The following ZNF143 variants were observed in gnomAD, a reference collection of about 807,000 sequenced individuals.
ZNF143 encodes SPH-binding factor.
Under a neutral mutation model 74.1 loss-of-function variants are expected in ZNF143, and 49 were observed. That is an observed-to-expected ratio of 0.66 (90% CI 0.53 to 0.84). The LOEUF (loss-of-function observed/expected upper bound fraction) is 0.84, where lower values mean the gene tolerates loss of function less well. ZNF143 is among the 40% of genes least tolerant of loss of function. The pLI is 0.00. For synonymous variants in ZNF143, 304 were observed against 282.8 expected (o/e 1.07, Z -0.75); for missense variants, 637 against 793.4 (o/e 0.80, Z 2.37).
intron 13 of ZNF143, among the ~76,000 whole-genome samples, chr11:9,515,673 AAGAAAAAG>A (rs1848699182): frequency 6.8e-6 from 1 of 147,872 alleles, no homozygotes; most frequent in African/African-American, 2.5e-5. Context: ...AAAAAAGAAA[AAGAAAAAG>A]AAAAGAAATA....
intron 7 of ZNF143, among the ~76,000 whole-genome samples, chr11:9,484,890 C>T (rs1053278700): frequency 5.0e-5 from 7 of 141,302 alleles, no homozygotes; most frequent in South Asian, 2.3e-4. Flanking sequence ...CTCCACCTCC[C>T]GGGTTCACGC....
At chr11:9,482,560 G>A (rs987739283) in intron 7 of ZNF143, among the ~76,000 whole-genome samples, 3 of 151,412 alleles carry the variant, frequency 2.0e-5, no homozygotes, top group Non-Finnish European at 4.4e-5. Context: ...GTGAGCCAGC[G>A]CACCCGGCCA....
At chr11:9,506,414 A>T (rs937232030) in intron 11 of ZNF143, among the ~76,000 whole-genome samples, 4 of 152,258 alleles carry the variant, frequency 2.6e-5, no homozygotes, top group Non-Finnish European at 5.9e-5. Context: ...GCAAATTAGC[A>T]TTCAATAAGA....
At chr11:9,461,209 G>T (rs1855805414) in intron 1 of ZNF143, 133 bp downstream of exon 1, 16 of 459,404 alleles carry the variant, frequency 3.5e-5, no homozygotes, top group Non-Finnish European at 4.3e-5. Context: ...AGGCCTTGCC[G>T]ATTTTATGGG....
At chr11:9,494,821 C>T in intron 8 of ZNF143, 56 bp downstream of exon 8, 1 of 1,522,070 alleles carries the variant, frequency 6.6e-7, no homozygotes, top group South Asian at 1.2e-5. Flanking sequence ...ATATTAAATA[C>T]TAAGATCATA....
In ZNF143 at chr11:9,485,721, G is replaced by A. The variant is rs538591519; in HGVS notation, c.645+6175G>A. On this transcript the variant is annotated intron_variant, in intron 7 of 15. Coordinates refer to ENST00000396602, the MANE Select transcript of ZNF143 (RefSeq NM_003442.6). ...AATTCCTCTGGTGCCACACTTCTAGGATTGTTTCCTTTCTTCAAAGAGAAT... is the reference window on the plus strand; with the variant it reads ...AATTCCTCTGGTGCCACACTTCTAGAATTGTTTCCTTTCTTCAAAGAGAAT... Among the ~76,000 whole-genome samples the A allele has an allele frequency of 5.3e-5, 8 of 151,410 alleles. No individual in the cohort carries two copies. The East Asian group carries it at 1.5e-3, about 29-fold the overall frequency.
rs763719659 is a variant in ZNF143, at chr11:9,478,520, T to A, written c.504T>A (p.Gly168=). The change falls in exon 6 of 16, where the codon GGT becomes GGA. Residue 168 remains glycine, a synonymous_variant. Coordinates refer to ENST00000396602, the MANE Select transcript of ZNF143 (RefSeq NM_003442.6). ...LAIQADGTVA[G]LHTGDATIDP... is the part of the protein sequence containing the mutation. The stretch of plus-strand genomic sequence containing the variant: ...TTCAGGCTGATGGGACAGTGGCAGG[T>A]CTGCACACTGGGGATGCTACAATTG... 6.2e-5 allele frequency: 99 copies of A among 1,605,896 alleles called. No individual in the cohort carries two copies. The East Asian group carries it at 2.2e-3, about 36-fold the overall frequency.
In ZNF143 at chr11:9,478,514, G is replaced by A. The variant is rs1299190608; in HGVS notation, c.498G>A (p.Val166=). 1.2e-6 allele frequency: 2 copies of A among 1,614,058 alleles called. No homozygotes were observed. Among genetic ancestry groups the A allele is most frequent in the Admixed American group, 1.7e-5 (1 of 60,004 alleles). The change falls in exon 6 of 16, where the codon GTG becomes GTA. Residue 166 remains valine (V), a synonymous_variant. Transcript: ENST00000396602. ...TGGCAATTCAGGCTGATGGGACAGTGGCAGGTCTGCACACTGGGGATGCTA... is the reference window on the plus strand; with the variant it reads ...TGGCAATTCAGGCTGATGGGACAGTAGCAGGTCTGCACACTGGGGATGCTA... The part of the protein sequence containing the change: ...TILAIQADGT[V]AGLHTGDATI...
chr11:9,495,862 A>G (rs979219664), intron 8 of ZNF143, among the ~76,000 whole-genome samples: 3 of 152,206 alleles, frequency 2.0e-5, no homozygotes, highest in Non-Finnish European at 2.9e-5. Context: ...CCCACTTTTC[A>G]GAGAGGCCTT....
At chr11:9,502,389 C>G (rs1848198788) in intron 11 of ZNF143, among the ~76,000 whole-genome samples, 1 of 150,470 alleles carries the variant, frequency 6.6e-6, no homozygotes, top group African/African-American at 2.5e-5. Context: ...GTGAGCGGAT[C>G]ACGAGGTCAG....
At chr11:9,478,799 A>G (rs960188374) in intron 6 of ZNF143, among the ~76,000 whole-genome samples, 3 of 152,304 alleles carry the variant, frequency 2.0e-5, no homozygotes, top group Admixed American at 6.5e-5. Context: ...AAATTCAGAA[A>G]TTAAAAAAAA....
Position 9,525,248 on chromosome 11 carries a change from T to A in ZNF143, c.1695T>A (p.Ile565=). The A allele has an allele frequency of 6.2e-7, 1 of 1,614,186 alleles. No homozygotes were observed. The highest frequency in any genetic ancestry group is 8.5e-7 in the Non-Finnish European group (1 of 1,180,030). Residue 565 remains isoleucine, a synonymous_variant, in exon 15 of 16, where the codon ATT becomes ATA. Transcript: ENST00000396602. ...GTTTTGTTTTGCTTAAGGTTGCAAT[T>A]GTAGCTCAAGACTTGGCAGCATTCC... is the stretch of plus-strand genomic sequence containing the variant. ...AEGTEGEQVA[I]VAQDLAAFHT... is the part of the protein sequence containing the mutation.
In ZNF143 at chr11:9,471,347, GAC is replaced by G; in HGVS notation, c.41_42del (p.Thr14ArgfsTer26). The G allele has an allele frequency of 6.2e-7, 1 of 1,612,588 alleles. No individual in the cohort carries two copies. Among genetic ancestry groups the G allele is most frequent in the Non-Finnish European group, 8.5e-7 (1 of 1,179,512 alleles). On this transcript the variant is annotated frameshift_variant, in exon 2 of 16. Transcript: ENST00000396602. LOFTEE classifies it high-confidence loss of function. The part of the protein sequence containing the change: ...AQINRDSQGM[T>X]EFPGGGMEAQ... The stretch of plus-strand genomic sequence containing the variant: ...AAATAAATCGAGATTCTCAGGGAAT[GAC>G]AGAGTTTCCTGGAGGAGGGATGGAG...
At chr11:9,484,183 T>G (rs999489354) in intron 7 of ZNF143, among the ~76,000 whole-genome samples, 2 of 151,206 alleles carry the variant, frequency 1.3e-5, no homozygotes, top group African/African-American at 4.9e-5. Context: ...GAGAACCTAG[T>G]ACTTGGTTTT....
At chr11:9,500,253 T>C (rs1194361949) in intron 10 of ZNF143, among the ~76,000 whole-genome samples, 1 of 152,128 alleles carries the variant, frequency 6.6e-6, no homozygotes, top group Non-Finnish European at 1.5e-5. Context: ...GGCCAGACTT[T>C]TTATAAGCTT....
chr11:9,480,565 AACAGGAATC>A (rs1354134003), intron 7 of ZNF143, among the ~76,000 whole-genome samples: 8 of 152,324 alleles, frequency 5.3e-5, no homozygotes, highest in African/African-American at 1.9e-4. Flanking sequence ...GTGATAAAAT[AACAGGAATC>A]ACTGAAATCA....
intron 13 of ZNF143, among the ~76,000 whole-genome samples, chr11:9,515,665 AAAAG>A (rs1341205230): frequency 1.3e-5 from 2 of 149,338 alleles, no homozygotes; most frequent in Non-Finnish European, 3.0e-5. Context: ...AAAAAAAAAA[AAAAG>A]AAAAAGAAAA....
intron 1 of ZNF143, among the ~76,000 whole-genome samples, chr11:9,466,081 C>T (rs377303746): frequency 2.6e-5 from 4 of 151,900 alleles, no homozygotes; most frequent in South Asian, 4.2e-4. Flanking sequence ...CTCCCAGGCT[C>T]AAGTGATTCT....
At chr11:9,482,333 C>G (rs527291891) in intron 7 of ZNF143, among the ~76,000 whole-genome samples, 1 of 147,930 alleles carries the variant, frequency 6.8e-6, no homozygotes, top group African/African-American at 2.6e-5. Context: ...TGCAGTGGCT[C>G]GATCTCGGCT....
Sources: allele counts gnomAD v4.1 joint callset (sites outside exome capture counted in the v4.1 genomes callset), GRCh38; gene constraint gnomAD v4.1.1; transcripts MANE v1.5; gene names NCBI Gene and HGNC (gene_info 2026-07-23, HGNC 2026-07-21).